PPP2R2C: variants seen among roughly 807,000 people sequenced by gnomAD.
PPP2R2C encodes protein phosphatase 2 regulatory subunit Bgamma.
PPP2R2C carries 10 observed loss-of-function variants against 45.3 expected under a neutral mutation model. That is an observed-to-expected ratio of 0.22 (90% CI 0.14 to 0.37). The LOEUF is 0.37. Ranked by LOEUF, PPP2R2C falls within the 10% of genes least tolerant of loss-of-function variation. PPP2R2C has a pLI of 1.00. For missense variants in PPP2R2C, 308 were observed against 619.7 expected (o/e 0.50, Z 5.34); for synonymous variants, 257 against 245.4 (o/e 1.05, Z -0.44).
chr4:6,378,024 G>A lies in PPP2R2C; in HGVS notation c.334+383C>T, dbSNP rs188954545. Among the ~76,000 whole-genome samples, 301 of 152,288 alleles carry A rather than the reference G, an allele frequency of 2.0e-3. No individual in the cohort carries two copies. The highest frequency in any genetic ancestry group is 6.5e-3 in the African/African-American group (272 of 41,570). On this transcript the variant is annotated intron_variant, in intron 3 of 8. Transcript: ENST00000382599. This position sits in a 1 kb window ranked among gnomAD's most constrained non-coding sequence, Gnocchi z 5.2. ...GTTCACTTTGTGTCAAATATCCCCCGTGTCTGCGACCTGCATCCTTGTCCA... is the reference window on the plus strand; with the variant it reads ...GTTCACTTTGTGTCAAATATCCCCCATGTCTGCGACCTGCATCCTTGTCCA...
chr4:6,326,413 G>A (rs991166745), intron 8 of PPP2R2C, among the ~76,000 whole-genome samples: 1 of 152,130 alleles, frequency 6.6e-6, no homozygotes, highest in Non-Finnish European at 1.5e-5. Flanking sequence ...ACCCGAGCAC[G>A]CTCGGCTGGC....
chr4:6,370,746 G>A (rs1261809477), intron 5 of PPP2R2C, among the ~76,000 whole-genome samples: 2 of 152,190 alleles, frequency 1.3e-5, no homozygotes, highest in East Asian at 3.8e-4. Flanking sequence ...CTCTCTTACA[G>A]TTATCCACAT....
At chr4:6,436,191 T>A (rs974830063) in intron 1 of PPP2R2C, among the ~76,000 whole-genome samples, 6 of 152,134 alleles carry the variant, frequency 3.9e-5, no homozygotes, top group African/African-American at 1.4e-4. Context: ...CTGTGAGAGA[T>A]AAAAGTATGC....
chr4:6,479,741 T>C (rs1722285428), intron 2 of PPP2R2C, among the ~76,000 whole-genome samples: 2 of 152,274 alleles, frequency 1.3e-5, no homozygotes, highest in South Asian at 4.2e-4. Flanking sequence ...ACCTTTTTTT[T>C]TTTGTATTTT....
At chr4:6,511,326 G>C (rs145218982) in intron 2 of PPP2R2C, among the ~76,000 whole-genome samples, 1,651 of 152,046 alleles carry the variant, frequency 0.011, 66 homozygotes, top group Non-Finnish European at 7.8e-3. Context: ...TGGTGGTGAT[G>C]ATAGTGACAG....
chr4:6,553,016 C>A (rs1414414154), intron 1 of PPP2R2C, among the ~76,000 whole-genome samples: 1 of 152,162 alleles, frequency 6.6e-6, no homozygotes, highest in South Asian at 2.1e-4. Flanking sequence ...AAGAGGTGAC[C>A]TACAGGAAGT....
intron 1 of PPP2R2C, among the ~76,000 whole-genome samples, chr4:6,413,312 C>T (rs1718310845): frequency 6.6e-6 from 1 of 152,222 alleles, no homozygotes; most frequent in African/African-American, 2.4e-5. Context: ...TACCTGCACA[C>T]ATATTCACAC....
chr4:6,558,326 G>T (rs76484121), intron 1 of PPP2R2C, among the ~76,000 whole-genome samples: 2,926 of 152,336 alleles, frequency 0.019, 53 homozygotes, highest in Non-Finnish European at 0.029. Flanking sequence ...CCCCTTGCTT[G>T]GGAGAGCCAT....
intron 6 of PPP2R2C, among the ~76,000 whole-genome samples, chr4:6,342,081 T>TACACACACACAC (rs58305750): frequency 7.9e-5 from 11 of 139,714 alleles, no homozygotes; most frequent in East Asian, 4.3e-4. Flanking sequence ...TCTGCCACGA[T>TACACACACACAC]ACACACACAC....
chr4:6,349,887 CA>C (rs955667854), intron 5 of PPP2R2C: 33 of 970,374 alleles, frequency 3.4e-5, no homozygotes, highest in South Asian at 4.8e-5. Context: ...AAGACTCTGT[CA>C]AAAAAAAAGC....
intron 1 of PPP2R2C, among the ~76,000 whole-genome samples, chr4:6,436,317 T>G (rs917342294): frequency 6.6e-6 from 1 of 152,274 alleles, no homozygotes; most frequent in South Asian, 2.1e-4. Context: ...TCTTGCCATC[T>G]GAGCCCACCA....
chr4:6,371,481 G>C (rs373235279), intron 5 of PPP2R2C, among the ~76,000 whole-genome samples: 6 of 152,334 alleles, frequency 3.9e-5, no homozygotes, highest in African/African-American at 1.2e-4. Context: ...AGGCTGCCTG[G>C]AGTCGGGAGG....
At chr4:6,358,744 G>C (rs992746898) in intron 5 of PPP2R2C, among the ~76,000 whole-genome samples, 1 of 152,204 alleles carries the variant, frequency 6.6e-6, no homozygotes, top group African/African-American at 2.4e-5. Context: ...CACATGAAAA[G>C]ATGCTATCAT....
intron 1 of PPP2R2C, among the ~76,000 whole-genome samples, chr4:6,388,818 C>A (rs1286568131): frequency 2.6e-5 from 4 of 151,986 alleles, no homozygotes; most frequent in Non-Finnish European, 5.9e-5. Flanking sequence ...AGACTTCTGG[C>A]CTCCAGAACT....
chr4:6,551,221 G>A (rs538957879), intron 1 of PPP2R2C, among the ~76,000 whole-genome samples: 26 of 152,306 alleles, frequency 1.7e-4, no homozygotes, highest in African/African-American at 5.5e-4. Context: ...GGCCTCAGAA[G>A]GCACTTAGAA....
chr4:6,358,745 A>T (rs1196388499), intron 5 of PPP2R2C, among the ~76,000 whole-genome samples: 1 of 152,254 alleles, frequency 6.6e-6, no homozygotes, highest in Non-Finnish European at 1.5e-5. Flanking sequence ...ACATGAAAAG[A>T]TGCTATCATC....
intron 1 of PPP2R2C, among the ~76,000 whole-genome samples, chr4:6,450,205 T>C (rs1379320580): frequency 1.6e-5 from 2 of 122,032 alleles, no homozygotes; most frequent in South Asian, 3.3e-4. Context: ...TGGGCTTCAA[T>C]TGTCTCATCT....
chr4:6,533,454 C>T (rs1724473323), intron 2 of PPP2R2C, among the ~76,000 whole-genome samples: 1 of 152,204 alleles, frequency 6.6e-6, no homozygotes, highest in African/African-American at 2.4e-5. Flanking sequence ...GGTGCCCCAG[C>T]ACAGGCAGAA....
intron 6 of PPP2R2C, among the ~76,000 whole-genome samples, chr4:6,346,904 TG>T (rs963302460): frequency 6.6e-6 from 1 of 152,188 alleles, no homozygotes; most frequent in Non-Finnish European, 1.5e-5. Context: ...TGGTAGGTGC[TG>T]GGGACAGACA....
Sources: allele counts gnomAD v4.1 joint callset (sites outside exome capture counted in the v4.1 genomes callset), GRCh38; gene constraint gnomAD v4.1.1; non-coding constraint Gnocchi (gnomAD v3.1); transcripts MANE v1.5; gene names NCBI Gene and HGNC (gene_info 2026-07-23, HGNC 2026-07-21).